The following GRM8 variants were observed in gnomAD, a reference collection of about 807,000 sequenced individuals.
GRM8 encodes metabotropic glutamate receptor 8.
A neutral mutation model predicts 87.2 loss-of-function variants in GRM8; 47 were observed. The observed-to-expected ratio is 0.54, with a 90% confidence interval of 0.43 to 0.69. The LOEUF (loss-of-function observed/expected upper bound fraction) is 0.69. Ranked by LOEUF, GRM8 falls within the 30% of genes least tolerant of loss-of-function variation. The pLI, the probability that GRM8 is intolerant of heterozygous loss-of-function variation, is 0.00. For missense variants in GRM8, 1,019 were observed against 1,139.2 expected (o/e 0.89, Z 1.52); for synonymous variants, 396 against 404.5 (o/e 0.98, Z 0.25).
intron 3 of GRM8, among the ~76,000 whole-genome samples, chr7:126,986,754 T>C (rs186848741): frequency 4.5e-4 from 68 of 152,296 alleles, no homozygotes; most frequent in African/African-American, 1.6e-3. Context: ...TAGAATTACC[T>C]CCATTGACTT....
At chr7:127,020,725 G>A (rs927994568) in intron 3 of GRM8, among the ~76,000 whole-genome samples, 2 of 151,964 alleles carry the variant, frequency 1.3e-5, no homozygotes, top group African/African-American at 2.4e-5. Context: ...GAAGGTGAGG[G>A]GAAGAACCAT....
chr7:126,839,594 C>T (rs772970599), intron 6 of GRM8, among the ~76,000 whole-genome samples: 19 of 152,130 alleles, frequency 1.2e-4, no homozygotes, highest in Admixed American at 3.9e-4. Context: ...AAATTTGAGA[C>T]GAGAAAACGA....
rs73722652 is a variant in GRM8 at position 126,597,108 on chromosome 7, T to C, written c.1494+12254A>G. 7.9e-3 allele frequency among the ~76,000 whole-genome samples: 1,209 copies of C among 152,278 alleles called. 11 individuals carry two copies. The highest frequency in any genetic ancestry group is 0.031 in the Middle Eastern group (9 of 294). On this transcript the variant is annotated intron_variant, in intron 8 of 10. Coordinates refer to ENST00000339582, the MANE Select transcript of GRM8 (RefSeq NM_000845.3). ...CCCTGAGATTATACACAATTGCATA[T>C]TTCTGTAACTTCATTTGAAAATATG...
rs200097767 is a variant in GRM8 at position 127,015,064 on chromosome 7, G to GAAGA, written c.727+91428_727+91431dup. Among the ~76,000 whole-genome samples, 510 of 87,894 alleles carry GAAGA rather than the reference G, an allele frequency of 5.8e-3. 9 individuals are homozygous for GAAGA. The highest frequency in any genetic ancestry group is 0.022 in the Middle Eastern group (3 of 136). The allele number at this position is 87,894 out of a possible 152,430, so 57.7% of individuals were successfully genotyped here. A position where few individuals can be genotyped will look rare whatever the true frequency, so the allele number is the denominator to read the frequency against. On this transcript the variant is annotated intron_variant, in intron 3 of 10. Transcript: ENST00000339582. ...AGAAGAAGAAGAAGAAGAAGAAGAAGAAGAAAGAAAGAAGGAGAAGAAGGA... is the reference window on the plus strand; with the variant it reads ...AGAAGAAGAAGAAGAAGAAGAAGAAGAAGAAAGAAAGAAAGAAGGAGAAGAAGGA...
intron 2 of GRM8, among the ~76,000 whole-genome samples, chr7:127,151,654 T>C (rs1316537538): frequency 6.6e-6 from 1 of 152,098 alleles, no homozygotes; most frequent in East Asian, 1.9e-4. Flanking sequence ...GGCTTTCTAC[T>C]GGGATTTTAA....
At chr7:126,610,047 G>A (rs1023148192) in intron 7 of GRM8, among the ~76,000 whole-genome samples, 1 of 152,154 alleles carries the variant, frequency 6.6e-6, no homozygotes, top group Non-Finnish European at 1.5e-5. Context: ...AATGGGTGAG[G>A]CATTGATCTA....
chr7:127,211,957 C>T (rs1796234820), intron 2 of GRM8, among the ~76,000 whole-genome samples: 1 of 152,158 alleles, frequency 6.6e-6, no homozygotes. Flanking sequence ...CACTATTACC[C>T]CATAATCAAA....
At chr7:126,738,519 A>G (rs2151501547) in intron 7 of GRM8, among the ~76,000 whole-genome samples, 1 of 150,466 alleles carries the variant, frequency 6.6e-6, no homozygotes, top group South Asian at 2.1e-4. Flanking sequence ...AACTCAAGAG[A>G]AGAAATAGGT....
Position 127,175,840 on chromosome 7 carries a change from AT to A in GRM8, c.510+66854del, listed in dbSNP as rs994202002. The stretch of plus-strand genomic sequence containing the variant: ...TTACCAGAAGACCTGTAATGCAGAA[AT>A]TTTTTAAAAAACATTATTTAAGGGG... On this transcript the variant is annotated intron_variant, in intron 2 of 10. Transcript: ENST00000339582. Among the ~76,000 whole-genome samples, 9 of 152,320 alleles carry A rather than the reference AT, an allele frequency of 5.9e-5. 1 individual carries two copies. The highest frequency in any genetic ancestry group is 2.2e-4 in the African/African-American group (9 of 41,594).
At chr7:126,569,602 G>A (rs1794525277) in intron 8 of GRM8, among the ~76,000 whole-genome samples, 1 of 152,154 alleles carries the variant, frequency 6.6e-6, no homozygotes, top group African/African-American at 2.4e-5. Context: ...AGAACTCAGG[G>A]AGGAAGCGTT....
intron 8 of GRM8, among the ~76,000 whole-genome samples, chr7:126,554,301 C>T (rs943151084): frequency 2.0e-5 from 3 of 151,722 alleles, no homozygotes; most frequent in African/African-American, 7.3e-5. Flanking sequence ...TAAGGGAGGC[C>T]AGGTGCAGTG....
At chr7:127,092,861 C>G (rs901399995) in intron 3 of GRM8, among the ~76,000 whole-genome samples, 1 of 152,224 alleles carries the variant, frequency 6.6e-6, no homozygotes, top group Non-Finnish European at 1.5e-5. Flanking sequence ...GATCTGTGCT[C>G]CATAAGCCTG....
chr7:127,086,162 A>G (rs1444346504), intron 3 of GRM8, among the ~76,000 whole-genome samples: 1 of 152,130 alleles, frequency 6.6e-6, no homozygotes, highest in Non-Finnish European at 1.5e-5. Context: ...GTGCAGTGGC[A>G]TGATCTCGGC....
chr7:127,243,646 T>G (rs1238590672), intron 1 of GRM8, 131 bp from the exon 2 acceptor site: 1 of 160,016 alleles, frequency 6.2e-6, no homozygotes, highest in East Asian at 1.8e-4. Flanking sequence ...TTTGTCCCCC[T>G]GTGATTCTGA....
intron 3 of GRM8, among the ~76,000 whole-genome samples, chr7:126,989,717 A>C (rs896273492): frequency 1.3e-5 from 2 of 152,236 alleles, no homozygotes; most frequent in Non-Finnish European, 2.9e-5. Context: ...CAAGGCAGGC[A>C]GATTGCTTGA....
At chr7:127,200,851 C>T (rs919167483) in intron 2 of GRM8, among the ~76,000 whole-genome samples, 7 of 152,184 alleles carry the variant, frequency 4.6e-5, no homozygotes, top group African/African-American at 1.7e-4. Flanking sequence ...AAGTCACATT[C>T]TCAGATTCCA....
rs955048692 is a variant in GRM8 at position 127,033,055 on chromosome 7, C to T, written c.727+73441G>A. On this transcript the variant is annotated intron_variant, in intron 3 of 10. Coordinates refer to ENST00000339582, the MANE Select transcript of GRM8 (RefSeq NM_000845.3). ...TGGTATCTTGTTTTAATAATATTTT[C>T]TTGAGCATAGTGACAAGAATTTTTT... Among the ~76,000 whole-genome samples, 17 of 104,792 alleles carry T rather than the reference C, an allele frequency of 1.6e-4. No homozygotes were observed. The South Asian group carries it at 4.7e-3, about 29-fold the overall frequency. 68.7% of individuals were successfully genotyped at this position (104,792 alleles called of 152,430 possible). A position where few individuals can be genotyped will look rare whatever the true frequency, so the allele number is the denominator to read the frequency against.
intron 8 of GRM8, among the ~76,000 whole-genome samples, chr7:126,607,595 G>A (rs1798485237): frequency 6.6e-6 from 1 of 152,170 alleles, no homozygotes; most frequent in African/African-American, 2.4e-5. Flanking sequence ...AGAGGAAAGA[G>A]TGAATTACAC....
At chr7:126,758,019 GA>G (rs1455829801) in intron 7 of GRM8, among the ~76,000 whole-genome samples, 1 of 152,080 alleles carries the variant, frequency 6.6e-6, no homozygotes, top group African/African-American at 2.4e-5. Context: ...GGGAATAGAT[GA>G]ATAACACCTT....
Sources: gnomAD v4.1 joint callset for allele counts (sites outside exome capture counted in the v4.1 genomes callset) on GRCh38, gnomAD v4.1.1 for gene constraint, MANE v1.5 for transcripts, NCBI Gene and HGNC (gene_info 2026-07-23, HGNC 2026-07-21) for gene names.